TMEM242: variants seen among roughly 807,000 people sequenced by gnomAD.
TMEM242 encodes the protein transmembrane protein 242.
Under a neutral mutation model 18.2 loss-of-function variants are expected in TMEM242, and 10 were observed. The ratio of observed to expected loss-of-function variants is 0.55; its 90% CI spans 0.34 to 0.93. The LOEUF is 0.93. TMEM242 is among the 40% of genes least tolerant of loss of function. The probability of loss-of-function intolerance (pLI) is 0.02; values close to 1 mark genes in which losing one functional copy is unlikely to be tolerated. For synonymous variants in TMEM242, 57 were observed against 69.9 expected (o/e 0.81, Z 0.92); for missense variants, 186 against 175.5 (o/e 1.06, Z -0.34).
chr6:157,312,418 T>A (rs1443615905), intron 3 of TMEM242, among the ~76,000 whole-genome samples: 2 of 151,316 alleles, frequency 1.3e-5, no homozygotes, highest in Non-Finnish European at 3.0e-5. Flanking sequence ...CCTAGCCTCA[T>A]CATAGTGTCA....
chr6:157,313,154 C>A (rs1554249639), intron 3 of TMEM242, among the ~76,000 whole-genome samples: 6 of 147,096 alleles, frequency 4.1e-5, no homozygotes, highest in South Asian at 2.2e-4. Context: ...GTGCGCTCAC[C>A]TGGCCTCATC....
chr6:157,311,019 T>C (rs1554248571), intron 3 of TMEM242, among the ~76,000 whole-genome samples: 1 of 136,370 alleles, frequency 7.3e-6, no homozygotes, highest in East Asian at 2.3e-4. Context: ...TGCAGTCACC[T>C]AGCCTCATCA....
intron 3 of TMEM242, among the ~76,000 whole-genome samples, chr6:157,318,006 C>A (rs1778435033): frequency 6.6e-6 from 1 of 152,190 alleles, no homozygotes; most frequent in African/African-American, 2.4e-5. Flanking sequence ...TAATGTAATG[C>A]TCTGTAGCTT....
At chr6:157,321,425 TAA>T (rs1208123204) in intron 2 of TMEM242, among the ~76,000 whole-genome samples, 2 of 152,208 alleles carry the variant, frequency 1.3e-5, no homozygotes, top group African/African-American at 4.8e-5. Flanking sequence ...ATACTGGCTT[TAA>T]AAAATACAGG....
intron 1 of TMEM242, 97 bp downstream of exon 1, chr6:157,323,315 T>G: frequency 7.5e-7 from 1 of 1,339,348 alleles, no homozygotes; most frequent in South Asian, 1.3e-5. Context: ...CTAAGGGCTC[T>G]CAGAGCGGGA....
At position 157,305,463 on chromosome 6, in the gene TMEM242, G is replaced by T. The variant is rs1388246898; in HGVS notation, c.328-12464C>A. ...TGGGTCATGTGACACGCCTATGAGG[G>T]CGTGTCATATTGTGAGGGCACACAA... On this transcript the variant is annotated intron_variant, in intron 3 of 3. Transcript: ENST00000400788. The surrounding 1 kb of genome is among the most constrained non-coding windows in gnomAD (Gnocchi z 4.1). Among the ~76,000 whole-genome samples the T allele has an allele frequency of 2.0e-5, 3 of 152,122 alleles. No individual in the cohort carries two copies. Among genetic ancestry groups the T allele is most frequent in the African/African-American group, 4.8e-5 (2 of 41,410 alleles).
At chr6:157,307,278 C>T (rs781923383) in intron 3 of TMEM242, among the ~76,000 whole-genome samples, 16 of 152,220 alleles carry the variant, frequency 1.1e-4, no homozygotes, top group South Asian at 8.3e-4. Context: ...CTGTGGGATA[C>T]GGCTGGGAAT....
At chr6:157,313,175 A>C (rs1583571100) in intron 3 of TMEM242, among the ~76,000 whole-genome samples, 1 of 149,038 alleles carries the variant, frequency 6.7e-6, no homozygotes, top group Non-Finnish European at 1.5e-5. Flanking sequence ...ATAGTGTCCC[A>C]CTGTGCGCTC....
intron 3 of TMEM242, among the ~76,000 whole-genome samples, chr6:157,312,870 G>C (rs1554249471): frequency 0.035 from 4,491 of 129,324 alleles, 2 homozygotes; most frequent in African/African-American, 0.047. Flanking sequence ...TAGTGTCCCA[G>C]TGTGCACTCA....
At chr6:157,316,120 A>C (rs1554250311) in intron 3 of TMEM242, among the ~76,000 whole-genome samples, 1 of 152,226 alleles carries the variant, frequency 6.6e-6, no homozygotes, top group African/African-American at 2.4e-5. Context: ...TTTGTGACCC[A>C]CATTACTAAA....
intron 3 of TMEM242, chr6:157,299,196 A>G: frequency 1.5e-6 from 1 of 664,326 alleles, no homozygotes; most frequent in Non-Finnish European, 2.9e-6. Context: ...GATGGTGGAA[A>G]CTGGATGTGT....
rs1427303328 is a variant in TMEM242, at chr6:157,305,981, A to T, written c.327+12801T>A. 6.6e-6 allele frequency among the ~76,000 whole-genome samples: 1 copy of T among 152,186 alleles called. No individual in the cohort carries two copies. Among genetic ancestry groups the T allele is most frequent in the Non-Finnish European group, 1.5e-5 (1 of 68,030 alleles). ...AGCAGATAAATGGGCTGGTAGCTGG[A>T]GGAGGCTAAGGAATATCTAGAGAGA... On this transcript the variant is annotated intron_variant, in intron 3 of 3. Coordinates refer to ENST00000400788, the MANE Select transcript of TMEM242 (RefSeq NM_018452.6). This position sits in a 1 kb window ranked among gnomAD's most constrained non-coding sequence, Gnocchi z 4.1.
chr6:157,322,819 C>T lies in TMEM242; in HGVS notation c.89-14G>A, dbSNP rs142241353. 2,169 of 1,606,250 alleles carry T rather than the reference C, an allele frequency of 1.4e-3. 24 individuals are homozygous for T. In the African/African-American group the frequency reaches 0.026, roughly 19 times the overall value. ...GGAAAATTCCACCTGCCAAGAGTTT[C>T]GGGGAGGAGGGGGGATATTAAAAAA... On this transcript the variant is annotated splice_polypyrimidine_tract_variant and intron_variant, in intron 1 of 3. Transcript: ENST00000400788.
chr6:157,299,863 G>A lies in TMEM242; in HGVS notation c.328-6864C>T, dbSNP rs1777802671. ...GTTTGCCTTCATCAAGATCCACAAG[G>A]GCAAGTTCATCACTCAAGCCTTTTA... On this transcript the variant is annotated intron_variant, in intron 3 of 3. Coordinates refer to ENST00000400788, the MANE Select transcript of TMEM242 (RefSeq NM_018452.6). The A allele has an allele frequency of 3.0e-5, 49 of 1,612,884 alleles. 1 individual carries two copies. The South Asian group carries it at 5.1e-4, about 17-fold the overall frequency.
intron 3 of TMEM242, among the ~76,000 whole-genome samples, chr6:157,307,667 T>C (rs953369179): frequency 7.9e-5 from 12 of 152,198 alleles, no homozygotes; most frequent in Admixed American, 7.9e-4. Context: ...GAGATGTTCT[T>C]GTCACCTCTG....
At chr6:157,300,070 C>G (rs1326906502) in intron 3 of TMEM242, 1 of 737,426 alleles carries the variant, frequency 1.4e-6, no homozygotes, top group South Asian at 1.6e-5. Context: ...ACAGGAAATT[C>G]GCTCCTGCCG....
Position 157,289,138 on chromosome 6 carries a change from A to C in TMEM242, c.*3763T>G, listed in dbSNP as rs1269609909. 1.3e-5 allele frequency among the ~76,000 whole-genome samples: 2 copies of C among 152,040 alleles called. No individual in the cohort carries two copies. The highest frequency in any genetic ancestry group is 6.6e-5 in the Admixed American group (1 of 15,262). On this transcript the variant is annotated 3_prime_UTR_variant, in exon 4 of 4. Transcript: ENST00000400788. ...CGAGCCAGCTTCTCTAAGAAATATAAATCAAGGTCCTAAATCACTTCACTA... is the reference window on the plus strand; with the variant it reads ...CGAGCCAGCTTCTCTAAGAAATATACATCAAGGTCCTAAATCACTTCACTA...
chr6:157,299,541 G>A, intron 3 of TMEM242: 3 of 1,495,482 alleles, frequency 2.0e-6, no homozygotes, highest in Admixed American at 1.7e-5. Context: ...CCAATAACAC[G>A]GTTTTTGGAA....
intron 3 of TMEM242, among the ~76,000 whole-genome samples, chr6:157,312,942 G>A (rs1554249535): frequency 2.0e-5 from 3 of 149,670 alleles, no homozygotes; most frequent in Admixed American, 6.6e-5. Context: ...GCCCCAGTGT[G>A]CGCTCACCCG....
Sources: allele counts gnomAD v4.1 joint callset (sites outside exome capture counted in the v4.1 genomes callset), GRCh38; gene constraint gnomAD v4.1.1; non-coding constraint Gnocchi (gnomAD v3.1); transcripts MANE v1.5; gene names NCBI Gene and HGNC (gene_info 2026-07-23, HGNC 2026-07-21).